The following CYP4F8 variants were observed in gnomAD, a reference collection of about 807,000 sequenced individuals.
CYP4F8 encodes the protein cytochrome P450 family 4 subfamily F member 8.
A neutral mutation model predicts 55.0 loss-of-function variants in CYP4F8; 56 were observed. The observed-to-expected ratio is 1.02, with a 90% CI of 0.82 to 1.27. The LOEUF is 1.27. CYP4F8 is among the 50% of genes most tolerant of loss of function. The pLI, the probability that CYP4F8 is intolerant of heterozygous loss-of-function variation, is 0.00. For synonymous variants in CYP4F8, 288 were observed against 267.3 expected (o/e 1.08, Z -0.76); for missense variants, 680 against 682.4 (o/e 1.00, Z 0.04).
chr19:15,623,406 G>A (rs778425653), intron 7 of CYP4F8, 31 bp downstream of exon 7: 9 of 1,606,720 alleles, frequency 5.6e-6, no homozygotes, highest in Non-Finnish European at 7.7e-6. Context: ...AATTCAAGAG[G>A]TAAAATGGAG....
At position 15,623,805 on chromosome 19, in the gene CYP4F8, C is replaced by T. The variant is rs112201993; in HGVS notation, c.985+40C>T. On this transcript the variant is annotated intron_variant, in intron 8 of 12. Coordinates refer to ENST00000612078, the MANE Select transcript of CYP4F8 (RefSeq NM_007253.4). ...CTGGGGCTACAGTGGGGACAGGGGT[C>T]TCTCCACTCCAGGGAAGTGGAGGGC... 1.1e-5 allele frequency: 17 copies of T among 1,610,882 alleles called. No homozygotes were observed. The African/African-American group carries it at 1.1e-4, about 10-fold the overall frequency.
In CYP4F8 at chr19:15,619,725, A is replaced by C; in HGVS notation, c.488A>C (p.Tyr163Ser). 6.2e-7 allele frequency: 1 copy of C among 1,614,178 alleles called. No homozygotes were observed. The highest frequency in any genetic ancestry group is 8.5e-7 in the Non-Finnish European group (1 of 1,180,032). The change falls in exon 5 of 13, where the codon TAT (tyrosine) becomes TCT (serine). Residue 163 changes from tyrosine to serine, a missense_variant. Transcript: ENST00000612078. ...TTCCATTTCAACATCCTGAAGCCCT[A>C]TATAAAGATTTTCAGCAAGAGTGCA... Reference protein sequence around the residue: ...PAFHFNILKPYIKIFSKSANI... With the variant: ...PAFHFNILKPSIKIFSKSANI...
chr19:15,624,573 A>T (rs1184967590), intron 9 of CYP4F8, among the ~76,000 whole-genome samples: 1 of 152,254 alleles, frequency 6.6e-6, no homozygotes, highest in Non-Finnish European at 1.5e-5. Flanking sequence ...CTGACATGTC[A>T]TCTTTGTAGA....
chr19:15,619,076 G>A (rs889470536), intron 3 of CYP4F8: 3 of 190,078 alleles, frequency 1.6e-5, no homozygotes, highest in Non-Finnish European at 3.3e-5. Flanking sequence ...CCATTAAAGA[G>A]AAGCTATTGA....
At chr19:15,622,754 A>G (rs764208722) in intron 6 of CYP4F8, 15 of 396,938 alleles carry the variant, frequency 3.8e-5, no homozygotes, top group Non-Finnish European at 5.7e-5. Flanking sequence ...ACTGGACTCT[A>G]TGGGACTCTA....
chr19:15,626,011 C>G (rs1287773547), intron 9 of CYP4F8, among the ~76,000 whole-genome samples: 2 of 152,078 alleles, frequency 1.3e-5, no homozygotes, highest in African/African-American at 4.8e-5. Context: ...GTTTGCAGCA[C>G]CGTGGTTGCA....
chr19:15,628,849 G>T lies in CYP4F8; in HGVS notation c.1397+6G>T. ...CCTTTCTCGGCGGGGCCCAGGTGAGGCCAGGGGGTGTCTGAGGTGGGCATG... is the reference window on the plus strand; with the variant it reads ...CCTTTCTCGGCGGGGCCCAGGTGAGTCCAGGGGGTGTCTGAGGTGGGCATG... On this transcript the variant is annotated splice_donor_region_variant and intron_variant, in intron 12 of 12. Coordinates refer to ENST00000612078, the MANE Select transcript of CYP4F8 (RefSeq NM_007253.4). 6.3e-7 allele frequency: 1 copy of T among 1,586,046 alleles called. No individual in the cohort carries two copies. Among genetic ancestry groups the T allele is most frequent in the Non-Finnish European group, 8.6e-7 (1 of 1,167,908 alleles).
At chr19:15,617,019 G>C (rs983886412) in intron 2 of CYP4F8, among the ~76,000 whole-genome samples, 3 of 152,192 alleles carry the variant, frequency 2.0e-5, no homozygotes, top group African/African-American at 7.2e-5. Context: ...TGCTGAGAAA[G>C]GAAGTTCCAC....
At chr19:15,623,943 A>G in intron 8 of CYP4F8, 22 bp from the exon 9 acceptor site, 1 of 1,613,174 alleles carries the variant, frequency 6.2e-7, no homozygotes, top group South Asian at 1.1e-5. Context: ...CAGAGACTCA[A>G]GCCTGCCTGG....
At chr19:15,621,238 C>T (rs1972189851) in intron 5 of CYP4F8, among the ~76,000 whole-genome samples, 1 of 152,100 alleles carries the variant, frequency 6.6e-6, no homozygotes, top group South Asian at 2.1e-4. Context: ...GAGAAATAGC[C>T]CAGATTAAGA....
rs748595717 is a variant in CYP4F8, at chr19:15,624,011, C to T, written c.1032C>T (p.Leu344=). ...ASGLSWVLYN[L]ARHPEYQERC... ...GCCTCTCCTGGGTCTTGTACAACCTCGCGAGGCACCCAGAATACCAAGAAC... is the reference window on the plus strand; with the variant it reads ...GCCTCTCCTGGGTCTTGTACAACCTTGCGAGGCACCCAGAATACCAAGAAC... Residue 344 remains leucine, a synonymous_variant, in exon 9 of 13, where the codon CTC becomes CTT. Transcript: ENST00000612078. 1.9e-6 allele frequency: 3 copies of T among 1,614,080 alleles called. No homozygotes were observed. Among genetic ancestry groups the T allele is most frequent in the Non-Finnish European group, 2.5e-6 (3 of 1,180,046 alleles).
chr19:15,618,312 T>A, intron 3 of CYP4F8, 168 bp downstream of exon 3: 1 of 1,069,950 alleles, frequency 9.3e-7, no homozygotes, highest in Non-Finnish European at 1.4e-6. Context: ...CCAACCTCAG[T>A]GTCTTTTCTC....
rs555111058 is a variant in CYP4F8 at position 15,620,315 on chromosome 19, A to G, written c.525+553A>G. On this transcript the variant is annotated intron_variant, in intron 5 of 12. Coordinates refer to ENST00000612078, the MANE Select transcript of CYP4F8 (RefSeq NM_007253.4). Reference sequence around the variant, plus strand: ...TTTCTCCATGTGATTCTCTGCCTCTAGATGACACCCCAGGATTGCTCACAT... The same window carrying G: ...TTTCTCCATGTGATTCTCTGCCTCTGGATGACACCCCAGGATTGCTCACAT... Among the ~76,000 whole-genome samples the G allele has an allele frequency of 2.6e-5, 4 of 152,292 alleles. No homozygotes were observed. In the South Asian group the frequency reaches 8.3e-4, roughly 32 times the overall value.
chr19:15,622,165 G>A, intron 5 of CYP4F8, 54 bp from the exon 6 acceptor site: 1 of 1,572,518 alleles, frequency 6.4e-7, no homozygotes, highest in South Asian at 1.2e-5. Flanking sequence ...GGGGTTGCAG[G>A]GGGACTCAGA....
chr19:15,615,540 C>T (rs1235365337), intron 1 of CYP4F8, 76 bp from the exon 2 acceptor site: 3 of 1,489,168 alleles, frequency 2.0e-6, no homozygotes, highest in East Asian at 4.8e-5. Context: ...CCATGTTTAC[C>T]CATCATTGGT....
chr19:15,624,174 A>C (rs925511417), intron 9 of CYP4F8, 80 bp downstream of exon 9: 10 of 1,559,404 alleles, frequency 6.4e-6, no homozygotes, highest in Non-Finnish European at 8.7e-6. Context: ...GTGGGGGAAA[A>C]GGGGAGGATC....
At position 15,629,472 on chromosome 19, in the gene CYP4F8, G is replaced by A. The variant is rs1217400319; in HGVS notation, c.*114G>A. Reference sequence around the variant, plus strand: ...CCCCTGTGCCTCAGTCCCGCGGATGGCCAGTAGGGGGCGCTGGAGGACTGC... The same window carrying A: ...CCCCTGTGCCTCAGTCCCGCGGATGACCAGTAGGGGGCGCTGGAGGACTGC... On this transcript the variant is annotated 3_prime_UTR_variant, in exon 13 of 13. Transcript: ENST00000612078. 2.2e-6 allele frequency: 3 copies of A among 1,376,644 alleles called. No homozygotes were observed. Among genetic ancestry groups the A allele is most frequent in the Non-Finnish European group, 2.9e-6 (3 of 1,046,418 alleles). 85.3% of individuals were successfully genotyped at this position (1,376,644 alleles called of 1,614,324 possible). A position where few individuals can be genotyped will look rare whatever the true frequency, so the allele number is the denominator to read the frequency against.
intron 9 of CYP4F8, among the ~76,000 whole-genome samples, chr19:15,625,639 T>TC (rs928506640): frequency 5.3e-5 from 8 of 152,036 alleles, no homozygotes; most frequent in African/African-American, 1.9e-4. Flanking sequence ...CAGTTTTTTT[T>TC]CCCTCGAGTT....
At chr19:15,621,903 G>C in intron 5 of CYP4F8, 1 of 222,440 alleles carries the variant, frequency 4.5e-6, no homozygotes, top group Non-Finnish European at 8.8e-6. Context: ...TTCTAGCCTG[G>C]CTCCCTGGCA....
Sources: allele counts gnomAD v4.1 joint callset (sites outside exome capture counted in the v4.1 genomes callset), GRCh38; gene constraint gnomAD v4.1.1; transcripts MANE v1.5; gene names NCBI Gene and HGNC (gene_info 2026-07-23, HGNC 2026-07-21).